MYRIP: variants seen among roughly 807,000 people sequenced by gnomAD.
MYRIP encodes the protein rab effector MyRIP.
In MYRIP, 49 loss-of-function variants were observed where a neutral mutation model predicts 98.0. The ratio of observed to expected loss-of-function variants is 0.50; its 90% CI spans 0.40 to 0.63. MYRIP has a LOEUF of 0.63. MYRIP is among the 30% of genes least tolerant of loss of function. The pLI is 0.00. For missense variants in MYRIP, 1,004 were observed against 1,058.2 expected (o/e 0.95, Z 0.71); for synonymous variants, 404 against 409.5 (o/e 0.99, Z 0.16).
At chr3:39,877,129 C>T (rs1016750613) in intron 1 of MYRIP, among the ~76,000 whole-genome samples, 33 of 152,150 alleles carry the variant, frequency 2.2e-4, no homozygotes, top group South Asian at 6.2e-4. Flanking sequence ...TCCAGTTGAT[C>T]GCATCAGCTC....
chr3:40,057,801 A>C (rs1339941945), intron 3 of MYRIP, among the ~76,000 whole-genome samples: 2 of 152,218 alleles, frequency 1.3e-5, no homozygotes, highest in South Asian at 4.1e-4. Flanking sequence ...ATATCCATGC[A>C]TTAAGTTCAT....
At chr3:40,056,714 A>G (rs527793192) in intron 3 of MYRIP, among the ~76,000 whole-genome samples, 1 of 152,328 alleles carries the variant, frequency 6.6e-6, no homozygotes, top group Admixed American at 6.5e-5. Flanking sequence ...ACTTAGGTTA[A>G]TTAATAGATT....
At position 39,827,326 on chromosome 3, in the gene MYRIP, G is replaced by A. The variant is rs564993483; in HGVS notation, c.-31+17410G>A. On this transcript the variant is annotated intron_variant, in intron 1 of 16. Transcript: ENST00000302541. ...TGGGGCCTTACTGTGTTCACTAGGC[G>A]GGTCTCAAACTCTTAGGCTCAAGCG... Among the ~76,000 whole-genome samples the A allele has an allele frequency of 3.3e-5, 5 of 152,160 alleles. No homozygotes were observed. In the East Asian group the frequency reaches 5.8e-4, roughly 18 times the overall value.
chr3:40,089,486 T>G (rs1948699176), intron 3 of MYRIP, among the ~76,000 whole-genome samples: 1 of 152,184 alleles, frequency 6.6e-6, no homozygotes, highest in Non-Finnish European at 1.5e-5. Flanking sequence ...TCCATGCAGG[T>G]TCTTCCAGGC....
At chr3:39,921,048 G>C (rs1412918108) in intron 2 of MYRIP, among the ~76,000 whole-genome samples, 1 of 152,118 alleles carries the variant, frequency 6.6e-6, no homozygotes, top group Non-Finnish European at 1.5e-5. Context: ...AACTCTACTT[G>C]AATTTTATGC....
chr3:40,060,955 G>A (rs982132732), intron 3 of MYRIP, among the ~76,000 whole-genome samples: 4 of 152,252 alleles, frequency 2.6e-5, no homozygotes, highest in Admixed American at 2.6e-4. Flanking sequence ...TGAATTGGAT[G>A]TGCTTTCATT....
intron 3 of MYRIP, among the ~76,000 whole-genome samples, chr3:40,107,748 A>G (rs764771628): frequency 1.3e-5 from 2 of 152,238 alleles, no homozygotes; most frequent in Non-Finnish European, 2.9e-5. Flanking sequence ...GATCAAAGAA[A>G]CATTCCAGAT....
chr3:40,172,386 G>A (rs1458174233), intron 8 of MYRIP, among the ~76,000 whole-genome samples: 1 of 152,092 alleles, frequency 6.6e-6, no homozygotes, highest in East Asian at 1.9e-4. Context: ...GCAGTAAGAG[G>A]AAGGGCACTG....
In MYRIP at chr3:39,900,875, A is replaced by G; in HGVS notation, c.59A>G (p.Gln20Arg). The change falls in exon 2 of 17, where the codon CAG becomes CGG. Residue 20 changes from glutamine to arginine, a missense_variant. Transcript: ENST00000302541. The stretch of plus-strand genomic sequence containing the variant: ...GATGATGAAACAGAGCATGTTCTTC[A>G]GGTGGTTCAAAGAGACTTCAATCTT... ...LTDDETEHVL[Q>R]VVQRDFNLRK... 2 of 1,613,820 alleles carry G rather than the reference A, an allele frequency of 1.2e-6. No individual in the cohort carries two copies. The highest frequency in any genetic ancestry group is 1.3e-5 in the African/African-American group (1 of 75,026).
chr3:40,165,006 G>A lies in MYRIP; in HGVS notation c.551-1840G>A, dbSNP rs79900161. 1.4e-4 allele frequency among the ~76,000 whole-genome samples: 22 copies of A among 152,270 alleles called. No individual in the cohort carries two copies. In the East Asian group the frequency reaches 2.9e-3, roughly 20 times the overall value. ...CCATCACAGAGCCTAGCACACAAAC[G>A]GTACTCAGTAAACATTTGTTTGATT... On this transcript the variant is annotated intron_variant, in intron 5 of 16. Coordinates refer to ENST00000302541, the MANE Select transcript of MYRIP (RefSeq NM_015460.4).
At chr3:40,173,329 C>T (rs1323625195) in intron 8 of MYRIP, 1 of 152,170 alleles carries the variant, frequency 6.6e-6, no homozygotes, top group Non-Finnish European at 1.5e-5. Context: ...CCATTGTCTC[C>T]TGTTTCCTTG....
At chr3:39,867,539 G>T (rs1426541282) in intron 1 of MYRIP, among the ~76,000 whole-genome samples, 3 of 152,032 alleles carry the variant, frequency 2.0e-5, no homozygotes, top group Non-Finnish European at 4.4e-5. Context: ...TGGCCTACAG[G>T]TATATGAAAA....
intron 3 of MYRIP, among the ~76,000 whole-genome samples, chr3:40,107,376 C>T (rs1008155342): frequency 6.6e-6 from 1 of 152,148 alleles, no homozygotes; most frequent in Non-Finnish European, 1.5e-5. Context: ...TTTCACTGGG[C>T]CCCATAAATT....
intron 3 of MYRIP, among the ~76,000 whole-genome samples, chr3:40,071,707 A>G (rs1948235203): frequency 6.6e-6 from 1 of 152,108 alleles, no homozygotes; most frequent in Non-Finnish European, 1.5e-5. Context: ...GGGTGGAGAG[A>G]TGAGGTACTC....
intron 2 of MYRIP, among the ~76,000 whole-genome samples, chr3:39,928,305 C>T (rs1009767681): frequency 1.3e-5 from 2 of 151,472 alleles, no homozygotes; most frequent in African/African-American, 4.8e-5. Flanking sequence ...GGAGGGACTA[C>T]TTCTCAATTT....
intron 4 of MYRIP, among the ~76,000 whole-genome samples, chr3:40,153,398 A>G (rs1575579874): frequency 1.3e-5 from 2 of 152,348 alleles, no homozygotes; most frequent in East Asian, 1.9e-4. Flanking sequence ...AGAAGACTCA[A>G]GAGTCCTTCA....
In MYRIP at chr3:40,018,589, A is replaced by G. The variant is rs79330543; in HGVS notation, c.111-25461A>G. On this transcript the variant is annotated intron_variant, in intron 2 of 16. Transcript: ENST00000302541. ...TGTATCCCAGGCTTCACATCCTCTC[A>G]AATGTTTCGTCACCATGTCACTCAT... is the stretch of plus-strand genomic sequence containing the variant. Among the ~76,000 whole-genome samples, 22 of 152,096 alleles carry G rather than the reference A, an allele frequency of 1.4e-4. No individual in the cohort carries two copies. In the East Asian group the frequency reaches 3.7e-3, roughly 25 times the overall value.
chr3:40,019,709 T>C (rs979764674), intron 2 of MYRIP, among the ~76,000 whole-genome samples: 1 of 151,670 alleles, frequency 6.6e-6, no homozygotes, highest in African/African-American at 2.4e-5. Flanking sequence ...AGGGAAACAA[T>C]TCAATCCCCC....
chr3:40,084,418 T>C, intron 3 of MYRIP, among the ~76,000 whole-genome samples: 2 of 73,056 alleles, frequency 2.7e-5, no homozygotes, highest in Non-Finnish European at 6.1e-5. Context: ...GTATTATCTA[T>C]CGGTAGATAA....
Sources: allele counts gnomAD v4.1 joint callset (sites outside exome capture counted in the v4.1 genomes callset), GRCh38; gene constraint gnomAD v4.1.1; transcripts MANE v1.5; gene names NCBI Gene and HGNC (gene_info 2026-07-23, HGNC 2026-07-21).